Variants in CACNB2 observed in about 807,000 individuals in gnomAD.
The protein encoded by CACNB2 is voltage-dependent L-type calcium channel subunit beta-2.
A neutral mutation model predicts 73.3 loss-of-function variants in CACNB2; 42 were observed. That is an observed-to-expected ratio of 0.57 (90% CI 0.45 to 0.74). The LOEUF (loss-of-function observed/expected upper bound fraction) is 0.74. Among genes scored for constraint, CACNB2 ranks in the 30% least tolerant of loss-of-function variants. The pLI, the probability that CACNB2 is intolerant of heterozygous loss-of-function variation, is 0.00. For synonymous variants in CACNB2, 348 were observed against 310.3 expected (o/e 1.12, Z -1.28); for missense variants, 940 against 853.0 (o/e 1.10, Z -1.27).
At chr10:18,425,654 C>A (rs1472711146) in intron 3 of CACNB2, among the ~76,000 whole-genome samples, 2 of 152,108 alleles carry the variant, frequency 1.3e-5, no homozygotes, top group Non-Finnish European at 2.9e-5. Context: ...GACAACAGAG[C>A]AAGACCATGT....
chr10:18,513,767 A>G (rs1039042592), intron 6 of CACNB2: 1 of 235,134 alleles, frequency 4.3e-6, no homozygotes, highest in African/African-American at 2.3e-5. Context: ...TTAAGAATGT[A>G]TTCCAATATC....
At chr10:18,464,639 C>G (rs966585836) in intron 3 of CACNB2, among the ~76,000 whole-genome samples, 2 of 152,048 alleles carry the variant, frequency 1.3e-5, no homozygotes, top group African/African-American at 4.8e-5. Context: ...CCTGTTGTTT[C>G]TATAATAACT....
intron 3 of CACNB2, among the ~76,000 whole-genome samples, chr10:18,417,152 G>A (rs1419588834): frequency 6.7e-6 from 1 of 150,194 alleles, no homozygotes. Context: ...CAAAAATAAA[G>A]CAGGGCAGCT....
intron 2 of CACNB2, among the ~76,000 whole-genome samples, chr10:18,376,910 G>A (rs1054922985): frequency 3.3e-5 from 5 of 152,170 alleles, no homozygotes; most frequent in Non-Finnish European, 5.9e-5. Context: ...TTTGATTACG[G>A]TGAACTTTAG....
At chr10:18,508,841 G>C (rs2050620609) in intron 6 of CACNB2, among the ~76,000 whole-genome samples, 1 of 152,208 alleles carries the variant, frequency 6.6e-6, no homozygotes, top group Admixed American at 6.5e-5. Flanking sequence ...ACAATCTTAA[G>C]TTGAACCAGT....
chr10:18,518,575 G>T (rs1017422051), intron 8 of CACNB2, among the ~76,000 whole-genome samples, 159 bp downstream of exon 8: 1 of 152,198 alleles, frequency 6.6e-6, no homozygotes, highest in Non-Finnish European at 1.5e-5. Context: ...CTGCAAACTG[G>T]TATACACTGC....
rs1491475405 is a variant in CACNB2 at position 18,171,586 on chromosome 10, TTA to T, written c.213+20612_213+20613del. 4.7e-4 allele frequency among the ~76,000 whole-genome samples: 47 copies of T among 99,638 alleles called. 1 individual carries two copies. The highest frequency in any genetic ancestry group is 7.6e-4 in the African/African-American group (20 of 26,452). The allele number at this position is 99,638 out of a possible 152,430, so 65.4% of individuals were successfully genotyped here. A position where few individuals can be genotyped will look rare whatever the true frequency, so the allele number is the denominator to read the frequency against. ...CTTCTTCATCCTTCTTAATTCCAGT[TTA>T]AAAAAAAAAAAAAAAGGAAGGACTC... On this transcript the variant is annotated intron_variant, in intron 2 of 13. Transcript: ENST00000324631.
At position 18,539,538 on chromosome 10, in the gene CACNB2, CCACAGA is replaced by C; in HGVS notation, c.1803_1808del (p.His602_Arg603del). 6.2e-7 allele frequency: 1 copy of C among 1,613,820 alleles called. No individual in the cohort carries two copies. Among genetic ancestry groups the C allele is most frequent in the Non-Finnish European group, 8.5e-7 (1 of 1,179,968 alleles). On this transcript the variant is annotated inframe_deletion, in exon 14 of 14. Coordinates refer to ENST00000324631, the MANE Select transcript of CACNB2 (RefSeq NM_201596.3). ...GAGACGAGACCCACGGGAGCAGTGACCACAGACACAGGGAGTCCCGGCACCGTTCCC... is the reference window on the plus strand; with the variant it reads ...GAGACGAGACCCACGGGAGCAGTGACCACAGGGAGTCCCGGCACCGTTCCC...
chr10:18,508,006 G>T (rs1309982602), intron 6 of CACNB2, among the ~76,000 whole-genome samples: 1 of 151,972 alleles, frequency 6.6e-6, no homozygotes, highest in Non-Finnish European at 1.5e-5. Context: ...AAACTCCTGG[G>T]TTCAAGGGAT....
At position 18,430,271 on chromosome 10, in the gene CACNB2, C is replaced by T. The variant is rs192273273; in HGVS notation, c.333+28228C>T. ...GCGTCTAAACACACAAACCTGTCTT[C>T]GAACCTCTAGTCACACAGCATGTTT... On this transcript the variant is annotated intron_variant, in intron 3 of 13. Transcript: ENST00000324631. 1.4e-3 allele frequency among the ~76,000 whole-genome samples: 208 copies of T among 152,208 alleles called. 2 individuals are homozygous for T. Among genetic ancestry groups the T allele is most frequent in the African/African-American group, 4.5e-3 (185 of 41,508 alleles).
chr10:18,502,721 A>C (rs922903568), intron 5 of CACNB2, among the ~76,000 whole-genome samples: 1 of 137,842 alleles, frequency 7.3e-6, no homozygotes. Flanking sequence ...AAAAAAAAAA[A>C]AAACCGCATG....
intron 3 of CACNB2, among the ~76,000 whole-genome samples, chr10:18,424,786 C>G (rs543452512): frequency 4.6e-5 from 7 of 152,140 alleles, no homozygotes; most frequent in Admixed American, 4.6e-4. Context: ...AAAATTCATT[C>G]TTGTTGATTT....
chr10:18,472,483 C>T (rs1447538816), intron 3 of CACNB2, among the ~76,000 whole-genome samples: 1 of 152,088 alleles, frequency 6.6e-6, no homozygotes, highest in Non-Finnish European at 1.5e-5. Context: ...GTGATCCGCC[C>T]GCCTTGGCCT....
rs1356510905 is a variant in CACNB2 at position 18,174,351 on chromosome 10, TC to T, written c.213+23378del. 4.2e-3 allele frequency among the ~76,000 whole-genome samples: 582 copies of T among 137,794 alleles called. 5 individuals are homozygous for T. The highest frequency in any genetic ancestry group is 0.015 in the African/African-American group (543 of 36,366). The allele number at this position is 137,794 out of a possible 152,430, so 90.4% of individuals were successfully genotyped here. ...CTTTTCTTTTCTTTCTTTCTTTTTT[TC>T]CTTCCTTCCTTTTTCTTTCTTTCTC... is the stretch of plus-strand genomic sequence containing the variant. On this transcript the variant is annotated intron_variant, in intron 2 of 13. Coordinates refer to ENST00000324631, the MANE Select transcript of CACNB2 (RefSeq NM_201596.3).
intron 2 of CACNB2, among the ~76,000 whole-genome samples, chr10:18,332,856 AAAGATG>A (rs1202427193): frequency 6.6e-6 from 1 of 152,236 alleles, no homozygotes; most frequent in East Asian, 1.9e-4. Context: ...TTAACTCTGA[AAAGATG>A]TTTAATTCAT....
chr10:18,251,759 T>A (rs533020952), intron 2 of CACNB2, among the ~76,000 whole-genome samples: 2 of 152,102 alleles, frequency 1.3e-5, no homozygotes, highest in African/African-American at 2.4e-5. Context: ...CATCTTACCA[T>A]GGTGGAAAAG....
At chr10:18,172,833 C>T (rs891068903) in intron 2 of CACNB2, among the ~76,000 whole-genome samples, 1 of 151,906 alleles carries the variant, frequency 6.6e-6, no homozygotes, top group East Asian at 1.9e-4. Flanking sequence ...TTCTTATCCA[C>T]GCTCCTGAAC....
At chr10:18,503,245 G>T (rs1384638633) in intron 5 of CACNB2, among the ~76,000 whole-genome samples, 1 of 152,134 alleles carries the variant, frequency 6.6e-6, no homozygotes, top group Non-Finnish European at 1.5e-5. Context: ...ATGTTCCATT[G>T]GCCTTATTTT....
At chr10:18,243,929 G>C (rs1018956682) in intron 2 of CACNB2, among the ~76,000 whole-genome samples, 2 of 152,212 alleles carry the variant, frequency 1.3e-5, no homozygotes, top group African/African-American at 4.8e-5. Context: ...AACAACGAGA[G>C]CTTTGGTATC....
Sources: gnomAD v4.1 joint callset for allele counts (sites outside exome capture counted in the v4.1 genomes callset) on GRCh38, gnomAD v4.1.1 for gene constraint, MANE v1.5 for transcripts, NCBI Gene and HGNC (gene_info 2026-07-23, HGNC 2026-07-21) for gene names.